DIPK1A: variants seen among roughly 807,000 people sequenced by gnomAD.
DIPK1A encodes the protein family with sequence similarity 69 member A.
In DIPK1A, 27 loss-of-function variants were observed where a neutral mutation model predicts 40.8. The observed-to-expected ratio is 0.66, with a 90% CI of 0.49 to 0.91. The LOEUF is 0.91. DIPK1A is among the 40% of genes least tolerant of loss of function. The pLI is 0.00. For synonymous variants in DIPK1A, 166 were observed against 171.3 expected, an observed-to-expected ratio of 0.97 and a Z score of 0.24; for missense variants, 412 against 505.7, an observed-to-expected ratio of 0.81 and a Z score of 1.78.
chr1:92,841,899 G>C (rs1246805392), downstream of DIPK1A: 1 of 1,503,814 alleles, frequency 6.6e-7, no homozygotes, highest in Non-Finnish European at 9.2e-7. Flanking sequence ...TTCAGATATA[G>C]ATAATAAACT....
chr1:92,909,812 G>A (rs1414006555), intron 1 of DIPK1A, among the ~76,000 whole-genome samples: 1 of 152,180 alleles, frequency 6.6e-6, no homozygotes, highest in Non-Finnish European at 1.5e-5. Flanking sequence ...CTACCAGGGT[G>A]TAGGGGGGAA....
Position 92,959,903 on chromosome 1 carries a change from C to CATTTTTT in DIPK1A, c.54+1472_54+1473insAAAAAAT, listed in dbSNP as rs1651998956. On this transcript the variant is annotated intron_variant, in intron 1 of 4. Coordinates refer to ENST00000370310, the MANE Select transcript of DIPK1A (RefSeq NM_001006605.5). Reference sequence around the variant, plus strand: ...GCTGGGACCACAGGCACCCAACCAACTTTTTTTTTTTTTTTTTTTTTTTTG... The same window carrying CATTTTTT: ...GCTGGGACCACAGGCACCCAACCAACATTTTTTTTTTTTTTTTTTTTTTTTTTTTTTG... Among the ~76,000 whole-genome samples, 7 of 47,876 alleles carry CATTTTTT rather than the reference C, an allele frequency of 1.5e-4. No individual in the cohort carries two copies. The Admixed American group carries it at 1.8e-3, about 12-fold the overall frequency. The allele number at this position is 47,876 out of a possible 152,430, so 31.4% of individuals were successfully genotyped here. A position where few individuals can be genotyped will look rare whatever the true frequency, so the allele number is the denominator to read the frequency against.
chr1:92,834,003 TGGG>T (rs1687019835), intron 4 of DIPK1A: 1 of 321,546 alleles, frequency 3.1e-6, no homozygotes, highest in Non-Finnish European at 5.9e-6. Context: ...AGCTACTCAG[TGGG>T]AGGATTGTTT....
intron 1 of DIPK1A, among the ~76,000 whole-genome samples, chr1:92,902,226 G>A (rs1278967360): frequency 1.3e-5 from 2 of 152,186 alleles, no homozygotes; most frequent in Non-Finnish European, 2.9e-5. Flanking sequence ...CCTAAGTACT[G>A]TTTTCCCAAG....
intron 2 of DIPK1A, among the ~76,000 whole-genome samples, chr1:92,859,163 G>A (rs999138305): frequency 2.0e-5 from 3 of 152,126 alleles, no homozygotes; most frequent in Non-Finnish European, 4.4e-5. Context: ...CAGGTTTTAA[G>A]TAATTTTCTA....
intron 2 of DIPK1A, among the ~76,000 whole-genome samples, chr1:92,851,312 G>A (rs746331170): frequency 4.6e-5 from 7 of 152,018 alleles, no homozygotes; most frequent in Non-Finnish European, 1.0e-4. Context: ...GGGAGGCCGA[G>A]GCTGGTGGAT....
intron 1 of DIPK1A, among the ~76,000 whole-genome samples, chr1:92,951,085 G>C (rs1431696284): frequency 2.6e-5 from 4 of 152,106 alleles, no homozygotes; most frequent in Non-Finnish European, 4.4e-5. Context: ...GTGGAACTAA[G>C]GTTACTACTC....
rs548730661 is a variant in DIPK1A at position 92,867,195 on chromosome 1, A to G, written c.189+9101T>C. On this transcript the variant is annotated intron_variant, in intron 2 of 4. Coordinates refer to ENST00000370310, the MANE Select transcript of DIPK1A (RefSeq NM_001006605.5). ...AATGGCAAAGCTGGAACTGAAACCT[A>G]AAGTTCTTTTACTCCAATTCTTTTT... Among the ~76,000 whole-genome samples, 6 of 151,078 alleles carry G rather than the reference A, an allele frequency of 4.0e-5. No individual in the cohort carries two copies. In the South Asian group the frequency reaches 1.0e-3, roughly 26 times the overall value.
intron 1 of DIPK1A, among the ~76,000 whole-genome samples, chr1:92,914,813 C>T (rs1345414384): frequency 5.3e-5 from 8 of 149,796 alleles, no homozygotes; most frequent in Admixed American, 2.7e-4. Flanking sequence ...GGGCTGGGCG[C>T]GGTGGCTCAC....
intron 4 of DIPK1A, among the ~76,000 whole-genome samples, chr1:92,846,888 C>CATATAT (rs1381551948): frequency 0.036 from 210 of 5,808 alleles, 76 homozygotes; most frequent in Middle Eastern, 0.1. Context: ...TATATACACA[C>CATATAT]ACACGTATAT....
At chr1:92,849,276 CTGTT>C (rs1306915928) in intron 3 of DIPK1A, among the ~76,000 whole-genome samples, 1 of 151,738 alleles carries the variant, frequency 6.6e-6, no homozygotes, top group Non-Finnish European at 1.5e-5. Flanking sequence ...TATTTATCAA[CTGTT>C]TGTACCTCCT....
At chr1:92,832,823 T>A (rs1686962194) in exon 5 of DIPK1A, 1 of 589,106 alleles carries the variant, frequency 1.7e-6, no homozygotes. Flanking sequence ...GAATTACTGC[T>A]GAATGTGCTC....
intron 1 of DIPK1A, among the ~76,000 whole-genome samples, chr1:92,939,746 G>A (rs1240879361): frequency 1.3e-5 from 2 of 152,132 alleles, no homozygotes; most frequent in Non-Finnish European, 2.9e-5. Context: ...TTGAGGTCAG[G>A]AATTTAAGAC....
chr1:92,838,136 G>A (rs994066444), downstream of DIPK1A, among the ~76,000 whole-genome samples: 5 of 152,156 alleles, frequency 3.3e-5, no homozygotes, highest in African/African-American at 9.7e-5. Flanking sequence ...GTTCTTTTTC[G>A]TTAGTGTGTA....
chr1:92,939,816 G>A (rs1651082808), intron 1 of DIPK1A, among the ~76,000 whole-genome samples: 1 of 152,132 alleles, frequency 6.6e-6, no homozygotes, highest in East Asian at 1.9e-4. Flanking sequence ...TTAGCCAGTG[G>A]TGGCCCATGC....
chr1:92,931,986 T>A, intron 1 of DIPK1A: 1 of 476,454 alleles, frequency 2.1e-6, no homozygotes, highest in Non-Finnish European at 4.1e-6. Flanking sequence ...GATAGACTGA[T>A]AACATATTTG....
At chr1:92,901,124 A>C (rs1218292714) in intron 1 of DIPK1A, among the ~76,000 whole-genome samples, 1 of 152,040 alleles carries the variant, frequency 6.6e-6, no homozygotes, top group Non-Finnish European at 1.5e-5. Flanking sequence ...TAGGCTATAG[A>C]AATCTGTGGT....
chr1:92,836,362 C>G, intron 4 of DIPK1A: 1 of 1,614,158 alleles, frequency 6.2e-7, no homozygotes, highest in Non-Finnish European at 8.5e-7. Context: ...CTGAAGGGAG[C>G]TGTGGATGGA....
At chr1:92,846,482 C>T (rs1413471651) in intron 4 of DIPK1A, 3 of 340,454 alleles carry the variant, frequency 8.8e-6, no homozygotes, top group Non-Finnish European at 1.8e-5. Context: ...TAAGAGTATA[C>T]TCATTTTATT....
Sources: allele counts gnomAD v4.1 joint callset (sites outside exome capture counted in the v4.1 genomes callset), GRCh38; gene constraint gnomAD v4.1.1; transcripts MANE v1.5; gene names NCBI Gene and HGNC (gene_info 2026-07-23, HGNC 2026-07-21).